SLC7A3: variants seen among roughly 807,000 people sequenced by gnomAD.
SLC7A3 encodes the protein cationic amino acid transporter 3.
Under a neutral mutation model 33.2 loss-of-function variants are expected in SLC7A3, and 3 were observed. The observed-to-expected ratio is 0.09, with a 90% CI of 0.04 to 0.23. The LOEUF (loss-of-function observed/expected upper bound fraction) is 0.23. Among genes scored for constraint, SLC7A3 ranks in the 10% least tolerant of loss-of-function variants. The pLI is 1.00. For synonymous variants in SLC7A3, 193 were observed against 195.1 expected (o/e 0.99, Z 0.09); for missense variants, 360 against 488.8 (o/e 0.74, Z 2.48).
intron 11 of SLC7A3, 56 bp downstream of exon 11, chrX:70,926,014 G>C: frequency 1.7e-6 from 2 of 1,206,497 alleles, no homozygotes; most frequent in Non-Finnish European, 2.2e-6. Flanking sequence ...GACCAAGAGG[G>C]AAAGGAGCTG....
At chrX:70,927,116 C>G (rs1569467368) in intron 8 of SLC7A3, 75 bp from the exon 9 acceptor site, 10 of 1,125,334 alleles carry the variant, frequency 8.9e-6, no homozygotes, top group Non-Finnish European at 1.1e-5. Flanking sequence ...GCAGCTTAAC[C>G]TTCCTCATCA....
Position 70,925,927 on chromosome X carries a change from G to A in SLC7A3, c.1746C>T (p.Phe582=), listed in dbSNP as rs201510794. The A allele has an allele frequency of 3.4e-5, 41 of 1,209,632 alleles. No homozygotes were observed. The highest frequency in any genetic ancestry group is 2.4e-4 in the East Asian group (8 of 33,744). The change falls in exon 12 of 12, where the codon TTC becomes TTT. Residue 582 remains phenylalanine (F), a synonymous_variant. Transcript: ENST00000374299. ...CCAGGCTGTGCTGGATCCCATAGCC[G>A]AAGTAGATAGCAAAGCCTAGTGGGG... ...VWMLIGFAIY[F]GYGIQHSLEE...
In SLC7A3 at chrX:70,927,033, G is replaced by A. The variant is rs1001329802; in HGVS notation, c.1295C>T (p.Pro432Leu). 8.3e-7 allele frequency: 1 copy of A among 1,202,834 alleles called. No individual in the cohort carries two copies. The highest frequency in any genetic ancestry group is 2.3e-5 in the Admixed American group (1 of 44,076). The change falls in exon 9 of 12, where the codon CCT becomes CTT. Residue 432 changes from proline (P) to leucine (L), a missense_variant. Coordinates refer to ENST00000374299, the MANE Select transcript of SLC7A3 (RefSeq NM_032803.6). ...TTCCCCAGTCTTTGTCTCCTGATCAGGTTGATACCTGAGGCAAAAGTAAGA... is the reference window on the plus strand; with the variant it reads ...TTCCCCAGTCTTTGTCTCCTGATCAAGTTGATACCTGAGGCAAAAGTAAGA... ...SICVLILRYQ[P>L]DQETKTGEEV... is the part of the protein sequence containing the mutation.
intron 9 of SLC7A3, 85 bp downstream of exon 9, chrX:70,926,790 A>G: frequency 8.6e-7 from 1 of 1,162,579 alleles, no homozygotes; most frequent in Non-Finnish European, 1.2e-6. Context: ...CTCTCTCTCT[A>G]GTTCTTCCTC....
At chrX:70,927,755 C>T in intron 6 of SLC7A3, 43 bp downstream of exon 6, 1 of 1,161,710 alleles carries the variant, frequency 8.6e-7, no homozygotes, top group Non-Finnish European at 1.2e-6. Context: ...ATGCTATAAC[C>T]TGAGACTCTG....
chrX:70,926,787 T>C (rs779673693), intron 9 of SLC7A3, 88 bp downstream of exon 9: 438 of 1,159,760 alleles, frequency 3.8e-4, no homozygotes, highest in Middle Eastern at 2.9e-3. Flanking sequence ...TCGCTCTCTC[T>C]CTAGTTCTTC....
chrX:70,928,536 G>A lies in SLC7A3; in HGVS notation c.627C>T (p.Phe209=), dbSNP rs2091902684. 5 of 1,205,967 alleles carry A rather than the reference G, an allele frequency of 4.1e-6. No individual in the cohort carries two copies. The African/African-American group carries it at 7.0e-5, about 17-fold the overall frequency. ...TCCAGTTGTGCACGTCCCCCTTAACGAAGCCAGAGATCATGACGAACCCAA... is the reference window on the plus strand; with the variant it reads ...TCCAGTTGTGCACGTCCCCCTTAACAAAGCCAGAGATCATGACGAACCCAA... ...LVLGFVMISG[F]VKGDVHNWKL... Residue 209 remains phenylalanine (F), a synonymous_variant, in exon 4 of 12, where the codon TTC becomes TTT. Transcript: ENST00000374299.
chrX:70,928,731 A>G, intron 3 of SLC7A3, 98 bp from the exon 4 acceptor site: 2 of 1,111,460 alleles, frequency 1.8e-6, no homozygotes, highest in Non-Finnish European at 2.4e-6. Context: ...CTTCCCCACC[A>G]TTATCACCTC....
rs200782951 is a variant in SLC7A3 at position 70,926,164 on chromosome X, A to G, written c.1635T>C (p.Pro545=). 4.2e-6 allele frequency: 5 copies of G among 1,203,987 alleles called. No homozygotes were observed. Among genetic ancestry groups the G allele is most frequent in the Admixed American group, 2.2e-5 (1 of 45,431 alleles). ...CAAAGATGCTCATTAGTGGGAGGAG[A>G]GGCAAAGCAGGCACCTGAAAACAAA... ...TPLHFKVPAL[P]LLPLMSIFVN... Residue 545 remains proline, a synonymous_variant, in exon 11 of 12, where the codon CCT becomes CCC. Transcript: ENST00000374299.
intron 10 of SLC7A3, 44 bp downstream of exon 10, chrX:70,926,483 C>A: frequency 2.6e-6 from 3 of 1,151,681 alleles, no homozygotes; most frequent in Non-Finnish European, 3.5e-6. Flanking sequence ...GGAGCCTATT[C>A]TCCCAAGATG....
Position 70,929,731 on chromosome X carries a change from G to T in SLC7A3, c.267C>A (p.Ala89=), listed in dbSNP as rs1018416158. ...LAGLCYAEFG[A]RVPRSGSAYL... Reference sequence around the variant, plus strand: ...ATGCCGAACCAGAACGGGGAACCCGGGCACCAAACTCCGCATAGCACAGCC... The same window carrying T: ...ATGCCGAACCAGAACGGGGAACCCGTGCACCAAACTCCGCATAGCACAGCC... The change falls in exon 2 of 12, where the codon GCC becomes GCA. Residue 89 remains alanine (A), a synonymous_variant. Coordinates refer to ENST00000374299, the MANE Select transcript of SLC7A3 (RefSeq NM_032803.6). 1 of 1,211,173 alleles carries T rather than the reference G, an allele frequency of 8.3e-7. No homozygotes were observed. Among genetic ancestry groups the T allele is most frequent in the Admixed American group, 2.2e-5 (1 of 45,941 alleles).
At chrX:70,929,043 C>A in intron 2 of SLC7A3, 41 bp from the exon 3 acceptor site, 1 of 1,172,252 alleles carries the variant, frequency 8.5e-7, no homozygotes. Flanking sequence ...AAGTTCCCTT[C>A]TTCCCAGACC....
chrX:70,929,515 T>C lies in SLC7A3; in HGVS notation c.370+113A>G, dbSNP rs188744603. 1,001 of 841,608 alleles carry C rather than the reference T, an allele frequency of 1.2e-3. 6 individuals carry two copies. The South Asian group carries it at 0.017, about 14-fold the overall frequency. The allele number at this position is 841,608 out of a possible 1,213,427, so 69.4% of individuals were successfully genotyped here. A position where few individuals can be genotyped will look rare whatever the true frequency, so the allele number is the denominator to read the frequency against. On this transcript the variant is annotated intron_variant, in intron 2 of 11. Coordinates refer to ENST00000374299, the MANE Select transcript of SLC7A3 (RefSeq NM_032803.6). ...CCCAGACCCCCAGCAAACCCGCACA[T>C]TTAGGGAGATTGAGGTCCTGTGAAT...
At chrX:70,930,257 A>T (rs1330976635) in intron 1 of SLC7A3, among the ~76,000 whole-genome samples, 1 of 112,152 alleles carries the variant, frequency 8.9e-6, no homozygotes, top group Non-Finnish European at 1.9e-5. Flanking sequence ...GGCACGTGAA[A>T]GCCCCCTGAA....
intron 10 of SLC7A3, among the ~76,000 whole-genome samples, 158 bp downstream of exon 10, chrX:70,926,369 A>G (rs1443534859): frequency 1.8e-5 from 2 of 111,970 alleles, no homozygotes; most frequent in Non-Finnish European, 3.8e-5. Flanking sequence ...GAAAGGAACT[A>G]AAGAGGGTCA....
Position 70,928,891 on chromosome X carries a change from G to T in SLC7A3, c.482C>A (p.Ala161Glu), listed in dbSNP as rs1005550092. The T allele has an allele frequency of 4.1e-6, 5 of 1,211,444 alleles. No homozygotes were observed. In the East Asian group the frequency reaches 1.2e-4, roughly 29 times the overall value. Residue 161 changes from alanine (A) to glutamate (E), a missense_variant, in exon 3 of 12, where the codon GCA (alanine) becomes GAA (glutamate). Coordinates refer to ENST00000374299, the MANE Select transcript of SLC7A3 (RefSeq NM_032803.6). Reference protein sequence around the residue: ...SIALHVPHVLAEYPDFFALGL... With the variant: ...SIALHVPHVLEEYPDFFALGL... ...CAAAGCAAAGAAATCTGGATATTCT[G>T]CAAGGACATGGGGCACGTGCAGTGC...
rs2091895393 is a variant in SLC7A3, at chrX:70,925,863, C to T, written c.1810G>A (p.Ala604Thr). 1 of 1,209,439 alleles carries T rather than the reference C, an allele frequency of 8.3e-7. No homozygotes were observed. Residue 604 changes from alanine to threonine, a missense_variant, in exon 12 of 12, where the codon GCC becomes ACC. Ala to Thr is a moderately conservative substitution (Grantham distance 58). Coordinates refer to ENST00000374299, the MANE Select transcript of SLC7A3 (RefSeq NM_032803.6). ...KSNQPSRKSR[A>T]KTVDLDPGTL... is the part of the protein sequence containing the mutation. The stretch of plus-strand genomic sequence containing the variant: ...CCGGGATCAAGGTCTACAGTTTTGG[C>T]TCTAGACTTGCGTGAGGGTTGGTTA...
At chrX:70,926,779 G>GCT in intron 9 of SLC7A3, 86 bp from the exon 10 acceptor site, 1 of 1,154,680 alleles carries the variant, frequency 8.7e-7, no homozygotes, top group Non-Finnish European at 1.2e-6. Context: ...AAGGAGAGTC[G>GCT]CTCTCTCTCT....
intron 1 of SLC7A3, 32 bp from the exon 2 acceptor site, chrX:70,930,054 A>C: frequency 8.7e-7 from 1 of 1,143,864 alleles, no homozygotes; most frequent in East Asian, 3.0e-5. Context: ...ACCCCTCGAC[A>C]GGGCTCATTA....
Sources: gnomAD v4.1 joint callset for allele counts (sites outside exome capture counted in the v4.1 genomes callset) on GRCh38, gnomAD v4.1.1 for gene constraint, MANE v1.5 for transcripts, NCBI Gene and HGNC (gene_info 2026-07-23, HGNC 2026-07-21) for gene names.